SYNE2: variants seen among roughly 807,000 people sequenced by gnomAD.
SYNE2 encodes the protein spectrin repeat containing nuclear envelope protein 2, also known as nesprin-2.
A neutral mutation model predicts 856.3 loss-of-function variants in SYNE2; 431 were observed. The observed-to-expected ratio is 0.50, with a 90% CI of 0.47 to 0.55. The LOEUF (loss-of-function observed/expected upper bound fraction) is 0.55, where lower values mean the gene tolerates loss of function less well. Ranked by LOEUF, SYNE2 falls within the 20% of genes least tolerant of loss-of-function variation. The pLI is 0.00. For missense variants in SYNE2, 8,129 were observed against 8,023.2 expected, an observed-to-expected ratio of 1.01 and a Z score of -0.50; for synonymous variants, 2,923 against 2,872.3, an observed-to-expected ratio of 1.02 and a Z score of -0.56.
At chr14:64,065,985 G>T (rs2097356126) in intron 51 of SYNE2, among the ~76,000 whole-genome samples, 1 of 152,038 alleles carries the variant, frequency 6.6e-6, no homozygotes. Context: ...TTTAGAATTA[G>T]GTAATATGTG....
intron 1 of SYNE2, among the ~76,000 whole-genome samples, chr14:63,859,787 G>A (rs1000204477): frequency 1.3e-5 from 2 of 152,208 alleles, no homozygotes; most frequent in Non-Finnish European, 2.9e-5. Flanking sequence ...CTGCAGTCCA[G>A]CCTGGGCAAC....
chr14:64,142,129 A>G (rs750792567), intron 82 of SYNE2, 41 bp downstream of exon 82: 13 of 1,611,722 alleles, frequency 8.1e-6, no homozygotes, highest in Non-Finnish European at 9.3e-6. Flanking sequence ...CATTGAAACA[A>G]GAAGGCTAAT....
rs763613604 is a variant in SYNE2 at position 64,003,127 on chromosome 14, C to G, written c.4194C>G (p.Ser1398=). Residue 1398 remains serine, a synonymous_variant, in exon 30 of 116, where the codon TCC becomes TCG. Transcript: ENST00000555002. ...ATGCTGAACGGGGTGATGACACCTC[C>G]TGTGAAAACCTGCTTGATGCTTTTT... The part of the protein sequence containing the change: ...FKDAERGDDT[S]CENLLDAFSI... 8.1e-6 allele frequency: 13 copies of G among 1,614,014 alleles called. No individual in the cohort carries two copies. Among genetic ancestry groups the G allele is most frequent in the Non-Finnish European group, 1.1e-5 (13 of 1,179,998 alleles).
chr14:63,800,278 C>T (rs767838036), intron 1 of SYNE2, among the ~76,000 whole-genome samples: 28 of 151,776 alleles, frequency 1.8e-4, no homozygotes, highest in African/African-American at 6.8e-4. Context: ...GGCTGGAGTA[C>T]AGTGGTGCTC....
In SYNE2 at chr14:63,983,731, G is replaced by A. The variant is rs533442133; in HGVS notation, c.2002-6G>A. 139 of 1,609,076 alleles carry A rather than the reference G, an allele frequency of 8.6e-5. No individual in the cohort carries two copies. In the East Asian group the frequency reaches 3.0e-3, roughly 34 times the overall value. On this transcript the variant is annotated splice_region_variant and splice_polypyrimidine_tract_variant and intron_variant, in intron 17 of 115. Coordinates refer to ENST00000555002, the MANE Select transcript of SYNE2 (RefSeq NM_182914.3). ...GTATTACATTTCATGAAATTATTTT[G>A]TATAGGAAATGAACCTGCCACTGAT...
At chr14:63,809,791 G>A (rs189538222) in intron 1 of SYNE2, among the ~76,000 whole-genome samples, 31 of 152,186 alleles carry the variant, frequency 2.0e-4, no homozygotes, top group Non-Finnish European at 3.7e-4. Flanking sequence ...ATGAGCCACC[G>A]CGCCTGGCTA....
intron 85 of SYNE2, among the ~76,000 whole-genome samples, chr14:64,156,917 G>A (rs1206011861): frequency 6.6e-6 from 1 of 152,202 alleles, no homozygotes; most frequent in Non-Finnish European, 1.5e-5. Context: ...AGATTGAGGA[G>A]CCTCCCTGTC....
intron 1 of SYNE2, among the ~76,000 whole-genome samples, chr14:63,900,224 T>A (rs1369100692): frequency 6.6e-6 from 1 of 152,202 alleles, no homozygotes; most frequent in African/African-American, 2.4e-5. Flanking sequence ...GCATCATGAT[T>A]TGAGAATTGC....
intron 1 of SYNE2, among the ~76,000 whole-genome samples, chr14:63,844,155 T>C (rs561839431): frequency 6.6e-6 from 1 of 152,322 alleles, no homozygotes; most frequent in South Asian, 2.1e-4. Flanking sequence ...TTCATTGCCC[T>C]AAAAATCCTC....
chr14:63,909,352 T>C (rs2095445498), intron 2 of SYNE2, 125 bp downstream of exon 2: 1 of 595,444 alleles, frequency 1.7e-6, no homozygotes, highest in African/African-American at 1.9e-5. Flanking sequence ...TTTCCAACTG[T>C]AGAAACCTTT....
Position 64,191,072 on chromosome 14 carries a change from A to G in SYNE2, c.18038+835A>G, listed in dbSNP as rs145309550. ...TTTTGAACAACACATAGAATTTGGAATATACAGGAGAACCTATAAGGTGAA... is the reference window on the plus strand; with the variant it reads ...TTTTGAACAACACATAGAATTTGGAGTATACAGGAGAACCTATAAGGTGAA... On this transcript the variant is annotated intron_variant, in intron 99 of 115. Transcript: ENST00000555002. 685 of 702,150 alleles carry G rather than the reference A, an allele frequency of 9.8e-4. 6 individuals carry two copies. The East Asian group carries it at 0.017, about 18-fold the overall frequency. The allele number at this position is 702,150 out of a possible 1,614,324, so 43.5% of individuals were successfully genotyped here. A position where few individuals can be genotyped will look rare whatever the true frequency, so the allele number is the denominator to read the frequency against.
intron 51 of SYNE2, among the ~76,000 whole-genome samples, chr14:64,066,797 C>T (rs1400460236): frequency 6.6e-6 from 1 of 152,072 alleles, no homozygotes; most frequent in African/African-American, 2.4e-5. Flanking sequence ...TTTGCATTGT[C>T]CCTGGGAAGT....
intron 1 of SYNE2, among the ~76,000 whole-genome samples, chr14:63,870,367 G>T (rs1896552936): frequency 7.1e-6 from 1 of 140,734 alleles, no homozygotes; most frequent in African/African-American, 2.7e-5. Context: ...ACAGCACCTT[G>T]CTTGTACTTC....
rs1246883429 is a variant in SYNE2 at position 64,140,041 on chromosome 14, G to C, written c.14944G>C (p.Asp4982His). The change falls in exon 80 of 116, where the codon GAT (aspartate) becomes CAT (histidine). Residue 4982 changes from aspartate (D) to histidine (H), a missense_variant. Around this residue, in one of 3 missense-constraint regions of SYNE2, gnomAD observed 5,410 missense variants for 5,284.8 expected, o/e 1.02. Transcript: ENST00000555002. ...GTCCCTCAATGTGTCTCAGGACTTG[G>C]ATACAATCAGAAGCAACATCAACAA... is the stretch of plus-strand genomic sequence containing the variant. ...EQSLNVSQDL[D>H]TIRSNINNFF... 1 of 1,613,868 alleles carries C rather than the reference G, an allele frequency of 6.2e-7. No individual in the cohort carries two copies.
intron 64 of SYNE2, among the ~76,000 whole-genome samples, chr14:64,105,388 A>G (rs2097764394): frequency 6.6e-6 from 1 of 152,198 alleles, no homozygotes; most frequent in South Asian, 2.1e-4. Flanking sequence ...TTCTTGGTTT[A>G]TACCTTTCTG....
At chr14:63,798,205 GT>G (rs894324645) in intron 1 of SYNE2, among the ~76,000 whole-genome samples, 2 of 151,732 alleles carry the variant, frequency 1.3e-5, no homozygotes, top group Non-Finnish European at 2.9e-5. Context: ...ACGCTCAGCT[GT>G]TTTTTTGGTT....
At chr14:63,935,714 T>G (rs2095822243) in intron 2 of SYNE2, among the ~76,000 whole-genome samples, 1 of 152,152 alleles carries the variant, frequency 6.6e-6, no homozygotes, top group Non-Finnish European at 1.5e-5. Flanking sequence ...ACAGTGATAA[T>G]TAAAAACATT....
chr14:63,944,278 T>TTATATATATATA (rs71123818), intron 6 of SYNE2, among the ~76,000 whole-genome samples: 85 of 144,026 alleles, frequency 5.9e-4, no homozygotes, highest in African/African-American at 2.0e-3. Context: ...TTCTGAATTT[T>TTATATATATATA]TATATATATA....
intron 57 of SYNE2, among the ~76,000 whole-genome samples, chr14:64,082,181 A>C (rs76944359): frequency 0.032 from 4,847 of 152,168 alleles, 114 homozygotes; most frequent in Admixed American, 0.065. Flanking sequence ...GGTGTATATG[A>C]CCTGAAAGAA....
Sources: allele counts gnomAD v4.1 joint callset (sites outside exome capture counted in the v4.1 genomes callset), GRCh38; gene constraint gnomAD v4.1.1; regional missense constraint gnomAD v4.1.1; transcripts MANE v1.5; gene names NCBI Gene and HGNC (gene_info 2026-07-23, HGNC 2026-07-21).